The following PEBP4 variants were observed in gnomAD, a reference collection of about 807,000 sequenced individuals.
The protein encoded by PEBP4 is phosphatidylethanolamine-binding protein 4.
PEBP4 carries 22 observed loss-of-function variants against 23.9 expected under a neutral mutation model. That is an observed-to-expected ratio of 0.92 (90% confidence interval 0.66 to 1.31). The LOEUF (loss-of-function observed/expected upper bound fraction) is 1.31, where lower values mean the gene tolerates loss of function less well. Among genes scored for constraint, PEBP4 ranks in the 40% most tolerant of loss-of-function variants. PEBP4 has a pLI of 0.00. For missense variants in PEBP4, 324 were observed against 281.7 expected (o/e 1.15, Z -1.07); for synonymous variants, 112 against 99.3 (o/e 1.13, Z -0.76).
At position 22,719,867 on chromosome 8, in the gene PEBP4, C is replaced by T. The variant is rs375539742; in HGVS notation, c.517+4976G>A. Among the ~76,000 whole-genome samples, 237 of 152,266 alleles carry T rather than the reference C, an allele frequency of 1.6e-3. 2 individuals carry two copies. In the South Asian group the frequency reaches 0.025, roughly 16 times the overall value. ...CTGCCTGGGATTGGGACAGGGAGGA[C>T]GTCGATCAATGCAGAGACTGTCACT... On this transcript the variant is annotated intron_variant, in intron 6 of 6. Coordinates refer to ENST00000256404, the MANE Select transcript of PEBP4 (RefSeq NM_144962.3).
chr8:22,929,058 C>T (rs1484622894), upstream of PEBP4, among the ~76,000 whole-genome samples: 1 of 152,164 alleles, frequency 6.6e-6, no homozygotes, highest in East Asian at 1.9e-4. Flanking sequence ...CAAGATCTCC[C>T]CTAGTGGACA....
chr8:22,736,374 G>A (rs1393884116), intron 4 of PEBP4, among the ~76,000 whole-genome samples: 3 of 152,206 alleles, frequency 2.0e-5, no homozygotes, highest in Non-Finnish European at 4.4e-5. Context: ...GGAGGCTGAG[G>A]CAGGAGGATT....
chr8:22,840,268 G>C (rs1807295779), intron 3 of PEBP4, among the ~76,000 whole-genome samples: 1 of 152,120 alleles, frequency 6.6e-6, no homozygotes, highest in Admixed American at 6.5e-5. Context: ...CTTGAAACTA[G>C]GTTCAGTGGG....
chr8:22,796,455 C>A (rs1806262651), intron 4 of PEBP4, among the ~76,000 whole-genome samples: 1 of 152,176 alleles, frequency 6.6e-6, no homozygotes, highest in Non-Finnish European at 1.5e-5. Context: ...TCTCTTACTA[C>A]TATCATTGTC....
chr8:22,715,688 G>C (rs1308915467), intron 6 of PEBP4, among the ~76,000 whole-genome samples: 1 of 152,222 alleles, frequency 6.6e-6, no homozygotes, highest in African/African-American at 2.4e-5. Context: ...CCAGTCCCAA[G>C]TCGACAGCCC....
chr8:22,755,326 CTTTTTTTTT>C (rs547269095), intron 4 of PEBP4, among the ~76,000 whole-genome samples: 2,032 of 114,566 alleles, frequency 0.018, 27 homozygotes, highest in Middle Eastern at 0.045. Context: ...TTCTCTCCCT[CTTTTTTTTT>C]TTTTTTTTTT....
rs183356361 is a variant in PEBP4, at chr8:22,902,566, C to G, written c.258+17618G>C. On this transcript the variant is annotated intron_variant, in intron 3 of 6. Coordinates refer to ENST00000256404, the MANE Select transcript of PEBP4 (RefSeq NM_144962.3). ...TAGCCTCTCCCCAGGCAACCTCTCCCTCCTGCACAGCCTGGGTGGCCTGGA... is the reference window on the plus strand; with the variant it reads ...TAGCCTCTCCCCAGGCAACCTCTCCGTCCTGCACAGCCTGGGTGGCCTGGA... Among the ~76,000 whole-genome samples the G allele has an allele frequency of 2.5e-3, 378 of 152,224 alleles. 4 individuals are homozygous for G. The highest frequency in any genetic ancestry group is 1.1e-3 in the Non-Finnish European group (76 of 68,014).
At chr8:22,896,381 G>A (rs1401438900) in intron 3 of PEBP4, 3 of 152,164 alleles carry the variant, frequency 2.0e-5, no homozygotes, top group African/African-American at 4.8e-5. Flanking sequence ...AGGCTCCAAC[G>A]TGTTTGCTCA....
chr8:22,778,503 C>A (rs1162624911), intron 4 of PEBP4, among the ~76,000 whole-genome samples: 7 of 151,996 alleles, frequency 4.6e-5, no homozygotes, highest in African/African-American at 1.7e-4. Context: ...CTTGGACAGG[C>A]TCCTGGGCCT....
intron 3 of PEBP4, among the ~76,000 whole-genome samples, chr8:22,907,605 G>C (rs1299185094): frequency 6.6e-6 from 1 of 152,192 alleles, no homozygotes; most frequent in Non-Finnish European, 1.5e-5. Context: ...GTTGAGGTCA[G>C]AGAAGTGAAG....
chr8:22,830,145 GTT>G (rs1491208292), intron 3 of PEBP4, among the ~76,000 whole-genome samples: 2 of 150,862 alleles, frequency 1.3e-5, no homozygotes, highest in Admixed American at 6.6e-5. Flanking sequence ...GTGTGTGTGT[GTT>G]TTTACGGAGT....
intron 6 of PEBP4, among the ~76,000 whole-genome samples, chr8:22,723,940 G>A (rs1384483344): frequency 6.6e-6 from 1 of 152,218 alleles, no homozygotes; most frequent in Non-Finnish European, 1.5e-5. Flanking sequence ...GTGGGTGGAT[G>A]TTTGGTCGAG....
chr8:22,715,890 G>A (rs533628678), intron 6 of PEBP4, among the ~76,000 whole-genome samples: 3 of 152,232 alleles, frequency 2.0e-5, no homozygotes, highest in Non-Finnish European at 2.9e-5. Flanking sequence ...GAGCTAGGAG[G>A]CTGCGGCTTC....
intron 3 of PEBP4, among the ~76,000 whole-genome samples, chr8:22,864,369 C>T (rs1437237006): frequency 6.6e-6 from 1 of 152,202 alleles, no homozygotes; most frequent in Non-Finnish European, 1.5e-5. Context: ...TGCTTCTAGG[C>T]TCACCTCTTC....
chr8:22,762,165 G>T (rs1182062149), intron 4 of PEBP4, among the ~76,000 whole-genome samples: 1 of 151,986 alleles, frequency 6.6e-6, no homozygotes, highest in Non-Finnish European at 1.5e-5. Context: ...TTAAAGAAAA[G>T]AAATCGCATG....
chr8:22,906,106 T>C (rs1351168714), intron 3 of PEBP4, among the ~76,000 whole-genome samples: 2 of 152,246 alleles, frequency 1.3e-5, no homozygotes, highest in African/African-American at 4.8e-5. Context: ...CCTGGGGCTC[T>C]CCAGAGATGC....
intron 3 of PEBP4, among the ~76,000 whole-genome samples, chr8:22,874,998 C>A (rs879698936): frequency 6.6e-6 from 1 of 151,812 alleles, no homozygotes; most frequent in African/African-American, 2.4e-5. Flanking sequence ...GGTGGTCTAC[C>A]TGCCCATCCT....
At chr8:22,720,725 G>C (rs554162069) in intron 6 of PEBP4, among the ~76,000 whole-genome samples, 162 of 152,244 alleles carry the variant, frequency 1.1e-3, no homozygotes, top group African/African-American at 2.9e-3. Flanking sequence ...AGATTTCAGG[G>C]GTCTCTCTGT....
intron 4 of PEBP4, among the ~76,000 whole-genome samples, chr8:22,777,426 G>C (rs927412356): frequency 2.0e-5 from 3 of 152,166 alleles, no homozygotes; most frequent in African/African-American, 7.2e-5. Flanking sequence ...GGTGGGCCTG[G>C]CCTAGAGCAT....
Sources: gnomAD v4.1 joint callset for allele counts (sites outside exome capture counted in the v4.1 genomes callset) on GRCh38, gnomAD v4.1.1 for gene constraint, MANE v1.5 for transcripts, NCBI Gene and HGNC (gene_info 2026-07-23, HGNC 2026-07-21) for gene names.